SPATA31F3: variants seen among roughly 807,000 people sequenced by gnomAD.
The protein encoded by SPATA31F3 is protein SPATA31F3.
the SPATA31F3 span, chr9:34,889,139 G>A: frequency 2.5e-6 from 1 of 398,482 alleles, no homozygotes; most frequent in Non-Finnish European, 4.4e-6. Context: ...GGCAATGAAA[G>A]CCTTTTTCAG....
the SPATA31F3 span, among the ~76,000 whole-genome samples, chr9:34,889,976 A>G: frequency 1.3e-5 from 2 of 152,270 alleles, no homozygotes; most frequent in East Asian, 1.9e-4. Context: ...TTTTGCCCCA[A>G]GTAATCCTGG....
chr9:34,894,252 A>C, the SPATA31F3 span, among the ~76,000 whole-genome samples: 1 of 151,998 alleles, frequency 6.6e-6, no homozygotes, highest in South Asian at 2.1e-4. Flanking sequence ...GAATTGGGTG[A>C]CCCTTCCCTC....
the SPATA31F3 span, among the ~76,000 whole-genome samples, chr9:34,893,791 A>G: frequency 2.0e-5 from 3 of 152,162 alleles, no homozygotes; most frequent in African/African-American, 7.2e-5. Context: ...GAACGGAGCC[A>G]GGCGGTTAGC....
chr9:34,893,581 A>G, the SPATA31F3 span, among the ~76,000 whole-genome samples: 2 of 151,894 alleles, frequency 1.3e-5, no homozygotes, highest in Admixed American at 6.6e-5. Context: ...AGCCTGGGCA[A>G]CAAGAGTGAA....
the SPATA31F3 span, chr9:34,892,877 A>G: frequency 2.9e-6 from 2 of 700,550 alleles, no homozygotes; most frequent in African/African-American, 3.5e-5. Flanking sequence ...TTTCTGATCC[A>G]TTAATTGTGA....
chr9:34,892,624 A>G, the SPATA31F3 span: 1 of 443,064 alleles, frequency 2.3e-6, no homozygotes, highest in East Asian at 3.3e-5. Context: ...GGGTTCAGGG[A>G]AAGAAAGGGA....
chr9:34,893,056 T>C, the SPATA31F3 span: 1 of 952,934 alleles, frequency 1.0e-6, no homozygotes, highest in Non-Finnish European at 1.6e-6. Flanking sequence ...CTGCCAGCAA[T>C]TGCTTAATCT....
the SPATA31F3 span, among the ~76,000 whole-genome samples, chr9:34,891,446 C>T: frequency 1.3e-5 from 2 of 152,192 alleles, no homozygotes; most frequent in Non-Finnish European, 2.9e-5. Flanking sequence ...CGGACTGGCC[C>T]TCCTGCCACA....
At chr9:34,895,624 C>G in the SPATA31F3 span, 2 of 399,768 alleles carry the variant, frequency 5.0e-6, no homozygotes, top group African/African-American at 4.1e-5. Flanking sequence ...TTTGGCAGCT[C>G]TTTTTCACTT....
chr9:34,895,417 A>G, the SPATA31F3 span, among the ~76,000 whole-genome samples: 9 of 152,312 alleles, frequency 5.9e-5, no homozygotes, highest in South Asian at 1.9e-3. Context: ...AAATGGCCCT[A>G]AATAGCTGCC....
At chr9:34,890,536 T>C in the SPATA31F3 span, among the ~76,000 whole-genome samples, 2 of 152,216 alleles carry the variant, frequency 1.3e-5, no homozygotes, top group Non-Finnish European at 2.9e-5. Flanking sequence ...GTAGCTCTGC[T>C]GCACTGTCTT....
chr9:34,891,670 C>T, the SPATA31F3 span, among the ~76,000 whole-genome samples: 4 of 152,318 alleles, frequency 2.6e-5, no homozygotes, highest in East Asian at 7.7e-4. Flanking sequence ...TCCTAGCAGC[C>T]TCTGGGCATG....
At chr9:34,889,696 C>A in the SPATA31F3 span, 1 of 398,176 alleles carries the variant, frequency 2.5e-6, no homozygotes, top group Non-Finnish European at 4.4e-6. Context: ...AACTCTTAGC[C>A]CTAGAAAGTG....
chr9:34,893,240 C>G, the SPATA31F3 span: 1 of 441,204 alleles, frequency 2.3e-6, no homozygotes, highest in Non-Finnish European at 4.0e-6. Context: ...TTGTCCTTTC[C>G]CAGTCCTGAA....
the SPATA31F3 span, among the ~76,000 whole-genome samples, chr9:34,892,205 G>A: frequency 2.0e-5 from 3 of 152,126 alleles, no homozygotes; most frequent in Non-Finnish European, 4.4e-5. Flanking sequence ...AGAGGGTAGA[G>A]CTAGAACCAT....
chr9:34,891,679 T>C, the SPATA31F3 span, among the ~76,000 whole-genome samples: 1 of 152,200 alleles, frequency 6.6e-6, no homozygotes, highest in Non-Finnish European at 1.5e-5. Context: ...CCTCTGGGCA[T>C]GGTCTAGGAG....
At chr9:34,893,146 G>C in the SPATA31F3 span, 5 of 640,302 alleles carry the variant, frequency 7.8e-6, no homozygotes, top group East Asian at 9.2e-5. Context: ...GAGGAAGCCA[G>C]CCCTGGCTGG....
the SPATA31F3 span, among the ~76,000 whole-genome samples, chr9:34,892,124 A>G: frequency 6.6e-6 from 1 of 152,180 alleles, no homozygotes; most frequent in Non-Finnish European, 1.5e-5. Context: ...GTAGCTACAG[A>G]TGTGGCACAT....
chr9:34,894,344 A>G, the SPATA31F3 span: 1 of 397,478 alleles, frequency 2.5e-6, no homozygotes, highest in Non-Finnish European at 4.4e-6. Context: ...TCTCCCTCCC[A>G]TCCATTTTCC....
Sources: gnomAD v4.1 joint callset for allele counts (sites outside exome capture counted in the v4.1 genomes callset) on GRCh38, gnomAD v4.1.1 for gene constraint, MANE v1.5 for transcripts, NCBI Gene and HGNC (gene_info 2026-07-23, HGNC 2026-07-21) for gene names.